The following ANAPC10 variants were observed in gnomAD, a reference collection of about 807,000 sequenced individuals.
ANAPC10 encodes the protein anaphase-promoting complex subunit 10.
A neutral mutation model predicts 22.0 loss-of-function variants in ANAPC10; 12 were observed. The ratio of observed to expected loss-of-function variants is 0.55; its 90% confidence interval spans 0.35 to 0.88. The LOEUF is 0.88. Ranked by LOEUF, ANAPC10 falls within the 40% of genes least tolerant of loss-of-function variation. The pLI is 0.01. For missense variants in ANAPC10, 188 were observed against 220.9 expected, an observed-to-expected ratio of 0.85 and a Z score of 0.94; for synonymous variants, 65 against 69.5, an observed-to-expected ratio of 0.94 and a Z score of 0.32.
chr4:145,049,198 G>A (rs1740738945), intron 4 of ANAPC10, among the ~76,000 whole-genome samples: 1 of 152,184 alleles, frequency 6.6e-6, no homozygotes, highest in Non-Finnish European at 1.5e-5. Context: ...TGGAGGCAGA[G>A]TATCTCACCT....
At chr4:145,002,901 C>CA (rs35719875) in intron 4 of ANAPC10, among the ~76,000 whole-genome samples, 150,454 of 152,286 alleles carry the variant, frequency 0.99, 74,347 homozygotes, top group East Asian at 1. Context: ...GGCACACGTG[C>CA]AGTTTATTAT....
chr4:145,015,058 C>T (rs1286345724), intron 4 of ANAPC10, among the ~76,000 whole-genome samples: 1 of 151,990 alleles, frequency 6.6e-6, no homozygotes, highest in African/African-American at 2.4e-5. Flanking sequence ...ATCATATTGG[C>T]TCACCAGCAG....
At position 145,025,331 on chromosome 4, in the gene ANAPC10, C is replaced by T. The variant is rs149780032; in HGVS notation, c.328-29728G>A. ...TTTTGGCCTATTTTGGCTTTCAACA[C>T]GCCCCCCCCCCCTTTTAAGCTCAGT... is the stretch of plus-strand genomic sequence containing the variant. On this transcript the variant is annotated intron_variant, in intron 4 of 4. Coordinates refer to ENST00000507656, the MANE Select transcript of ANAPC10 (RefSeq NM_001256706.2). Among the ~76,000 whole-genome samples the T allele has an allele frequency of 5.2e-3, 676 of 130,368 alleles. 9 individuals carry two copies. The highest frequency in any genetic ancestry group is 0.019 in the African/African-American group (616 of 32,576). 85.5% of individuals were successfully genotyped at this position (130,368 alleles called of 152,430 possible). A position where few individuals can be genotyped will look rare whatever the true frequency, so the allele number is the denominator to read the frequency against.
rs1244711124 is a variant in ANAPC10, at chr4:145,017,306, G to A, written c.328-21703C>T. On this transcript the variant is annotated intron_variant, in intron 4 of 4. Transcript: ENST00000507656. Reference sequence around the variant, plus strand: ...AAAACAACCCCATCAAAAAGTGGGTGAAGGATATGAACAGACACTTCTCAA... The same window carrying A: ...AAAACAACCCCATCAAAAAGTGGGTAAAGGATATGAACAGACACTTCTCAA... Among the ~76,000 whole-genome samples the A allele has an allele frequency of 6.6e-5, 10 of 152,288 alleles. No individual in the cohort carries two copies. The East Asian group carries it at 1.2e-3, about 18-fold the overall frequency.
intron 2 of ANAPC10, among the ~76,000 whole-genome samples, chr4:145,092,395 C>A (rs1373590286): frequency 6.6e-6 from 1 of 152,068 alleles, no homozygotes; most frequent in East Asian, 1.9e-4. Flanking sequence ...AAACTCCTAC[C>A]AGACAGCCTG....
At chr4:145,046,237 G>A (rs1740280050) in intron 4 of ANAPC10, among the ~76,000 whole-genome samples, 1 of 152,052 alleles carries the variant, frequency 6.6e-6, no homozygotes, top group Non-Finnish European at 1.5e-5. Flanking sequence ...AGTCATGGCA[G>A]TTAAGATGTA....
intron 3 of ANAPC10, among the ~76,000 whole-genome samples, chr4:145,069,571 G>A (rs1744193827): frequency 6.6e-6 from 1 of 152,144 alleles, no homozygotes; most frequent in South Asian, 2.1e-4. Context: ...AAATACCTAA[G>A]ACATTCGTTT....
At chr4:145,071,513 T>C (rs572439321) in intron 3 of ANAPC10, among the ~76,000 whole-genome samples, 27 of 152,254 alleles carry the variant, frequency 1.8e-4, no homozygotes, top group Middle Eastern at 3.4e-3. Context: ...CAACAGAATA[T>C]TAAATAAATA....
intron 4 of ANAPC10, among the ~76,000 whole-genome samples, chr4:145,029,094 G>A (rs1425022931): frequency 6.6e-6 from 1 of 152,090 alleles, no homozygotes; most frequent in African/African-American, 2.4e-5. Flanking sequence ...GAAAAGAATG[G>A]GACCCTGAAA....
intron 4 of ANAPC10, among the ~76,000 whole-genome samples, chr4:145,019,734 TAAGAA>T (rs1347859726): frequency 6.6e-6 from 1 of 151,976 alleles, no homozygotes; most frequent in Non-Finnish European, 1.5e-5. Context: ...ATAACCTCAA[TAAGAA>T]ATGAAACAGG....
At chr4:145,084,783 G>C (rs1165481424) in intron 2 of ANAPC10, among the ~76,000 whole-genome samples, 1 of 152,154 alleles carries the variant, frequency 6.6e-6, no homozygotes, top group Non-Finnish European at 1.5e-5. Flanking sequence ...GAGATGTGCT[G>C]TAAGTGTTAA....
intron 4 of ANAPC10, among the ~76,000 whole-genome samples, chr4:145,025,690 C>T (rs1033663408): frequency 6.6e-6 from 1 of 152,114 alleles, no homozygotes; most frequent in Admixed American, 6.6e-5. Context: ...TGAAATACTA[C>T]AAGAATTACC....
chr4:145,049,663 G>A (rs186809909), intron 4 of ANAPC10, among the ~76,000 whole-genome samples: 120 of 152,024 alleles, frequency 7.9e-4, no homozygotes, highest in African/African-American at 2.7e-3. Context: ...CACTGGAACC[G>A]CCGCCACCTA....
intron 4 of ANAPC10, among the ~76,000 whole-genome samples, chr4:145,034,541 ATATGTG>A (rs1311210925): frequency 6.4e-5 from 9 of 140,456 alleles, no homozygotes; most frequent in South Asian, 2.2e-4. Context: ...ATATATATAT[ATATGTG>A]TGTGTGTGTG....
At chr4:145,002,106 GA>G (rs1285591029) in intron 4 of ANAPC10, among the ~76,000 whole-genome samples, 8 of 152,118 alleles carry the variant, frequency 5.3e-5, no homozygotes, top group Admixed American at 3.9e-4. Context: ...GTGACTTAAT[GA>G]AATTCTGTAG....
chr4:145,020,144 C>A (rs1351816872), intron 4 of ANAPC10, among the ~76,000 whole-genome samples: 1 of 152,096 alleles, frequency 6.6e-6, no homozygotes, highest in Non-Finnish European at 1.5e-5. Context: ...AAGAAAACCA[C>A]AGACCCATAT....
intron 3 of ANAPC10, among the ~76,000 whole-genome samples, chr4:145,074,665 C>T (rs986679272): frequency 6.6e-6 from 1 of 152,094 alleles, no homozygotes; most frequent in East Asian, 1.9e-4. Flanking sequence ...TAATCAGAAC[C>T]ATTAGGACTA....
At chr4:145,041,164 C>T (rs1015137665) in intron 4 of ANAPC10, among the ~76,000 whole-genome samples, 1 of 152,102 alleles carries the variant, frequency 6.6e-6, no homozygotes, top group Admixed American at 6.5e-5. Flanking sequence ...AAACCCACCT[C>T]ATAATTTACT....
intron 4 of ANAPC10, among the ~76,000 whole-genome samples, chr4:145,030,817 C>T (rs1294439751): frequency 2.0e-5 from 3 of 152,190 alleles, no homozygotes; most frequent in Non-Finnish European, 4.4e-5. Flanking sequence ...GGAGGGGTTG[C>T]AAAGATTAGT....
Sources: allele counts gnomAD v4.1 joint callset (sites outside exome capture counted in the v4.1 genomes callset), GRCh38; gene constraint gnomAD v4.1.1; transcripts MANE v1.5; gene names NCBI Gene and HGNC (gene_info 2026-07-23, HGNC 2026-07-21).